KCNMA1: variants seen among roughly 807,000 people sequenced by gnomAD.
KCNMA1 encodes potassium calcium-activated channel subfamily M alpha 1, also known as Calcium-activated potassium channel subunit alpha-1.
KCNMA1 carries 29 observed loss-of-function variants against 140.0 expected under a neutral mutation model. That is an observed-to-expected ratio of 0.21 (90% confidence interval 0.15 to 0.28). The LOEUF (loss-of-function observed/expected upper bound fraction) is 0.28. KCNMA1 is among the 10% of genes least tolerant of loss of function. The pLI is 1.00. For missense variants in KCNMA1, 880 were observed against 1,602.2 expected (o/e 0.55, Z 7.70); for synonymous variants, 612 against 611.9 (o/e 1.00, Z 0.00).
intron 2 of KCNMA1, among the ~76,000 whole-genome samples, chr10:77,261,856 A>C (rs1171140559): frequency 6.6e-6 from 1 of 152,184 alleles, no homozygotes; most frequent in African/African-American, 2.4e-5. Context: ...CTGCTGGTGG[A>C]GCGCTCAAGT....
At chr10:77,434,782 C>G (rs1322374121) in intron 1 of KCNMA1, among the ~76,000 whole-genome samples, 1 of 152,096 alleles carries the variant, frequency 6.6e-6, no homozygotes, top group Non-Finnish European at 1.5e-5. Context: ...CTGGTGGGGT[C>G]AGAAATGGAG....
In KCNMA1 at chr10:77,573,836, C is replaced by CTT. The variant is rs71028290; in HGVS notation, c.378+63427_378+63428dup. Among the ~76,000 whole-genome samples the CTT allele has an allele frequency of 4.0e-4, 53 of 133,700 alleles. 1 individual carries two copies. Among genetic ancestry groups the CTT allele is most frequent in the East Asian group, 8.7e-4 (4 of 4,576 alleles). The allele number at this position is 133,700 out of a possible 152,430, so 87.7% of individuals were successfully genotyped here. ...GTTCATTTATATCCTTTATAATACT[C>CTT]TTTTTTTTTTTTTTTTTCTGAGACA... is the stretch of plus-strand genomic sequence containing the variant. On this transcript the variant is annotated intron_variant, in intron 1 of 27. Coordinates refer to ENST00000286628, the MANE Select transcript of KCNMA1 (RefSeq NM_001161352.2).
intron 2 of KCNMA1, among the ~76,000 whole-genome samples, chr10:77,396,761 T>C (rs2096069637): frequency 6.6e-6 from 1 of 152,216 alleles, no homozygotes; most frequent in Non-Finnish European, 1.5e-5. Flanking sequence ...ATCATCCCTA[T>C]ACATTCAAGC....
At chr10:77,407,781 G>A (rs979398173) in intron 1 of KCNMA1, among the ~76,000 whole-genome samples, 1 of 152,164 alleles carries the variant, frequency 6.6e-6, no homozygotes, top group Non-Finnish European at 1.5e-5. Flanking sequence ...GGCACACAGT[G>A]GTTACAGCTG....
chr10:77,103,852 C>A (rs981064879), intron 9 of KCNMA1, among the ~76,000 whole-genome samples: 1 of 152,288 alleles, frequency 6.6e-6, no homozygotes, highest in Middle Eastern at 3.4e-3. Flanking sequence ...GAGGAGACAG[C>A]CCCAAAGTGA....
intron 1 of KCNMA1, among the ~76,000 whole-genome samples, chr10:77,606,328 T>C (rs572986447): frequency 4.6e-5 from 7 of 152,292 alleles, no homozygotes; most frequent in Non-Finnish European, 7.4e-5. Context: ...CAACCCCTCA[T>C]GGCCCTCAAA....
intron 19 of KCNMA1, among the ~76,000 whole-genome samples, chr10:76,982,408 C>T (rs1169149431): frequency 6.6e-6 from 1 of 151,852 alleles, no homozygotes; most frequent in East Asian, 1.9e-4. Context: ...CCGTATATCC[C>T]CAGATGGAGC....
chr10:77,207,093 G>A (rs541248901), intron 3 of KCNMA1, among the ~76,000 whole-genome samples: 3 of 151,932 alleles, frequency 2.0e-5, no homozygotes, highest in South Asian at 2.1e-4. Context: ...ACATATTTCC[G>A]CTTTCATTTG....
chr10:77,317,950 A>G (rs2081311215), intron 2 of KCNMA1, among the ~76,000 whole-genome samples: 1 of 152,194 alleles, frequency 6.6e-6, no homozygotes, highest in South Asian at 2.1e-4. Context: ...TTGAGCCCGC[A>G]TCTTCAACCT....
intron 19 of KCNMA1, chr10:76,995,425 C>A: frequency 2.6e-6 from 1 of 386,552 alleles, no homozygotes; most frequent in Non-Finnish European, 5.4e-6. Context: ...GAGGCAGAGA[C>A]GGACTTGACA....
chr10:77,231,811 T>C (rs896643142), intron 3 of KCNMA1, among the ~76,000 whole-genome samples: 1 of 152,236 alleles, frequency 6.6e-6, no homozygotes, highest in African/African-American at 2.4e-5. Context: ...TATTTGCTAA[T>C]GGCTTTATTG....
At chr10:77,335,570 C>T (rs546931547) in intron 2 of KCNMA1, among the ~76,000 whole-genome samples, 26 of 152,248 alleles carry the variant, frequency 1.7e-4, no homozygotes, top group African/African-American at 5.3e-4. Flanking sequence ...TTTAAAGGCT[C>T]CTAGGTGATT....
rs570739526 is a variant in KCNMA1 at position 77,251,715 on chromosome 10, G to C, written c.541-459C>G. On this transcript the variant is annotated intron_variant, in intron 2 of 27. Coordinates refer to ENST00000286628, the MANE Select transcript of KCNMA1 (RefSeq NM_001161352.2). ...ACCACAATATTCACCCATTTAAAAA[G>C]TACAATTCATCAATGACTTTAGTAA... is the stretch of plus-strand genomic sequence containing the variant. Among the ~76,000 whole-genome samples the C allele has an allele frequency of 2.0e-5, 3 of 152,216 alleles. No individual in the cohort carries two copies. The East Asian group carries it at 5.8e-4, about 29-fold the overall frequency.
At chr10:77,267,562 A>G in intron 2 of KCNMA1, among the ~76,000 whole-genome samples, 1 of 152,182 alleles carries the variant, frequency 6.6e-6, no homozygotes, top group Non-Finnish European at 1.5e-5. Flanking sequence ...TTGGTGAAAG[A>G]GCATCCAAGG....
chr10:77,201,951 T>C (rs1458041992), intron 3 of KCNMA1, among the ~76,000 whole-genome samples: 1 of 152,220 alleles, frequency 6.6e-6, no homozygotes, highest in Non-Finnish European at 1.5e-5. Flanking sequence ...AGCACTATCA[T>C]GGGGAAAGCT....
rs746678754 is a variant in KCNMA1, at chr10:77,637,289, G to A, written c.354C>T (p.Cys118=). The A allele has an allele frequency of 1.4e-5, 23 of 1,610,264 alleles. 1 individual carries two copies. The South Asian group carries it at 2.4e-4, about 17-fold the overall frequency. ...WRTLKYLWTV[C]CHCGGKTKEA... is the part of the protein sequence containing the mutation. ...CCTTCGTCTTGCCCCCGCAGTGGCA[G>A]CACACGGTCCACAGGTACTTGAGCG... Residue 118 remains cysteine (C), a synonymous_variant, in exon 1 of 28, where the codon TGC becomes TGT. Transcript: ENST00000286628.
intron 14 of KCNMA1, among the ~76,000 whole-genome samples, chr10:77,069,946 G>A (rs1688406819): frequency 6.6e-6 from 1 of 152,144 alleles, no homozygotes; most frequent in Non-Finnish European, 1.5e-5. Context: ...TTCTTGAGTA[G>A]CTGGGACTAC....
chr10:77,464,543 G>T (rs1232784707), intron 1 of KCNMA1, among the ~76,000 whole-genome samples: 1 of 152,112 alleles, frequency 6.6e-6, no homozygotes, highest in Non-Finnish European at 1.5e-5. Flanking sequence ...CATTTCATCT[G>T]GAAATCCCTG....
intron 1 of KCNMA1, among the ~76,000 whole-genome samples, chr10:77,489,507 GT>G (rs1488286138): frequency 1.3e-5 from 2 of 151,846 alleles, no homozygotes; most frequent in East Asian, 3.9e-4. Context: ...GGCTAATTTT[GT>G]TTGTATTTTT....
Sources: allele counts gnomAD v4.1 joint callset (sites outside exome capture counted in the v4.1 genomes callset), GRCh38; gene constraint gnomAD v4.1.1; transcripts MANE v1.5; gene names NCBI Gene and HGNC (gene_info 2026-07-23, HGNC 2026-07-21).